TMEM178B: variants seen among roughly 807,000 people sequenced by gnomAD.
TMEM178B encodes transmembrane protein 178B.
In TMEM178B, 5 loss-of-function variants were observed where a neutral mutation model predicts 31.0. The ratio of observed to expected loss-of-function variants is 0.16; its 90% confidence interval spans 0.08 to 0.34. TMEM178B has a LOEUF of 0.34. Ranked by LOEUF, TMEM178B falls within the 10% of genes least tolerant of loss-of-function variation. TMEM178B has a pLI of 1.00. For synonymous variants in TMEM178B, 164 were observed against 164.0 expected (o/e 1.00, Z 0.00); for missense variants, 275 against 400.3 (o/e 0.69, Z 2.67).
intron 1 of TMEM178B, among the ~76,000 whole-genome samples, chr7:141,198,195 A>C (rs1796815631): frequency 1.3e-5 from 2 of 152,146 alleles, no homozygotes; most frequent in Non-Finnish European, 2.9e-5. Flanking sequence ...GTTTGGAAGC[A>C]TCTGTGTGGC....
At chr7:141,227,284 G>A (rs769685460) in intron 2 of TMEM178B, among the ~76,000 whole-genome samples, 2 of 152,176 alleles carry the variant, frequency 1.3e-5, no homozygotes, top group Non-Finnish European at 2.9e-5. Flanking sequence ...CCTAAAATAC[G>A]TCACTCATTT....
chr7:141,493,110 C>T, the TMEM178B span, among the ~76,000 whole-genome samples: 510 of 152,284 alleles, frequency 3.3e-3, 6 homozygotes, highest in African/African-American at 0.011. Flanking sequence ...GCTGAGAACA[C>T]TGGTGGTACA....
chr7:141,375,114 C>T (rs1205221947), intron 2 of TMEM178B, among the ~76,000 whole-genome samples: 1 of 152,230 alleles, frequency 6.6e-6, no homozygotes, highest in Non-Finnish European at 1.5e-5. Context: ...CATCCTCTCA[C>T]TTGATTTACC....
At chr7:141,347,487 A>C (rs1480478287) in intron 2 of TMEM178B, among the ~76,000 whole-genome samples, 7 of 152,126 alleles carry the variant, frequency 4.6e-5, no homozygotes, top group Non-Finnish European at 1.0e-4. Context: ...GTTCAGCTGA[A>C]CATCCTATGA....
At chr7:141,468,317 T>C (rs142883523) in intron 3 of TMEM178B, among the ~76,000 whole-genome samples, 1 of 152,262 alleles carries the variant, frequency 6.6e-6, no homozygotes, top group East Asian at 1.9e-4. Context: ...GTGATCTGCT[T>C]TGAGTCCTCC....
At chr7:141,168,291 A>G (rs908195231) in intron 1 of TMEM178B, among the ~76,000 whole-genome samples, 1 of 152,118 alleles carries the variant, frequency 6.6e-6, no homozygotes, top group Non-Finnish European at 1.5e-5. Context: ...CTTCAATTTA[A>G]TGCAAACTTC....
At chr7:141,224,625 A>G (rs190218592) in intron 2 of TMEM178B, among the ~76,000 whole-genome samples, 1 of 152,326 alleles carries the variant, frequency 6.6e-6, no homozygotes, top group East Asian at 1.9e-4. Flanking sequence ...GCAGCAGGGC[A>G]AAGATCTCAA....
Position 141,315,393 on chromosome 7 carries a change from A to G in TMEM178B, c.496+102689A>G, listed in dbSNP as rs1016587502. On this transcript the variant is annotated intron_variant, in intron 2 of 3. Coordinates refer to ENST00000565468, the MANE Select transcript of TMEM178B (RefSeq NM_001195278.2). ...TCCACACCTCCAGTCAAGTTGAGTG[A>G]CACTGTGTCCCTGGAACACGCCAAG... 9.8e-5 allele frequency among the ~76,000 whole-genome samples: 15 copies of G among 152,320 alleles called. 1 individual carries two copies. Among genetic ancestry groups the G allele is most frequent in the Admixed American group, 7.8e-4 (12 of 15,300 alleles).
At chr7:141,297,984 G>T (rs1376086438) in intron 2 of TMEM178B, among the ~76,000 whole-genome samples, 1 of 152,200 alleles carries the variant, frequency 6.6e-6, no homozygotes, top group Admixed American at 6.5e-5. Context: ...CAGTGTAAAA[G>T]TGTTTCTATT....
chr7:141,505,708 T>C, the TMEM178B span, among the ~76,000 whole-genome samples: 1 of 152,320 alleles, frequency 6.6e-6, no homozygotes, highest in East Asian at 1.9e-4. Flanking sequence ...CTTAACTACT[T>C]GCTAGCTGCT....
At chr7:141,128,215 A>G (rs1795537754) in intron 1 of TMEM178B, among the ~76,000 whole-genome samples, 1 of 152,180 alleles carries the variant, frequency 6.6e-6, no homozygotes, top group African/African-American at 2.4e-5. Flanking sequence ...TCATATCTAG[A>G]ACCTGAATAC....
chr7:141,344,578 T>TCCTTCCTC lies in TMEM178B; in HGVS notation c.497-93023_497-93022insCCCTTCCT, dbSNP rs1554478055. On this transcript the variant is annotated intron_variant, in intron 2 of 3. Transcript: ENST00000565468. The surrounding 1 kb of genome is among the most constrained non-coding windows in gnomAD (Gnocchi z 4.1). ...CTCCCTCCATTCCTCCCTCCTCCCT[T>TCCTTCCTC]CCTTCCTTCCTTCCTTCCTTCCTTC... Among the ~76,000 whole-genome samples the TCCTTCCTC allele has an allele frequency of 4.3e-4, 8 of 18,616 alleles. No homozygotes were observed. Among genetic ancestry groups the TCCTTCCTC allele is most frequent in the African/African-American group, 1.1e-3 (6 of 5,400 alleles). 12.2% of individuals were successfully genotyped at this position (18,616 alleles called of 152,430 possible). A position where few individuals can be genotyped will look rare whatever the true frequency, so the allele number is the denominator to read the frequency against.
chr7:141,277,069 A>G (rs1161833044), intron 2 of TMEM178B, among the ~76,000 whole-genome samples: 1 of 152,226 alleles, frequency 6.6e-6, no homozygotes, highest in East Asian at 1.9e-4. Flanking sequence ...ATTACTATAC[A>G]CTGTTGTAGA....
chr7:141,204,208 G>A (rs930710512), intron 1 of TMEM178B, among the ~76,000 whole-genome samples: 2 of 152,228 alleles, frequency 1.3e-5, no homozygotes, highest in African/African-American at 4.8e-5. Flanking sequence ...AAGAGGGGAA[G>A]CCAGTCAAGA....
At chr7:141,192,624 C>T (rs558499669) in intron 1 of TMEM178B, among the ~76,000 whole-genome samples, 13 of 152,252 alleles carry the variant, frequency 8.5e-5, no homozygotes, top group African/African-American at 2.9e-4. Flanking sequence ...GCCACCACAC[C>T]CGACTAATTT....
intron 2 of TMEM178B, among the ~76,000 whole-genome samples, chr7:141,289,727 A>G (rs988651417): frequency 2.0e-5 from 3 of 151,420 alleles, no homozygotes; most frequent in Non-Finnish European, 4.4e-5. Context: ...AAAAAAAAAA[A>G]AAAAGAAAAA....
intron 2 of TMEM178B, among the ~76,000 whole-genome samples, chr7:141,223,232 G>A (rs959398208): frequency 4.0e-5 from 6 of 151,470 alleles, no homozygotes; most frequent in Non-Finnish European, 5.9e-5. Flanking sequence ...TAAGAGCTGC[G>A]GTTAGGGTGG....
At chr7:141,260,993 A>G (rs1798003668) in intron 2 of TMEM178B, among the ~76,000 whole-genome samples, 1 of 152,232 alleles carries the variant, frequency 6.6e-6, no homozygotes, top group Non-Finnish European at 1.5e-5. Context: ...AGGATTCATT[A>G]AACTTAAAAA....
intron 2 of TMEM178B, among the ~76,000 whole-genome samples, chr7:141,325,674 G>T (rs1204316138): frequency 6.6e-6 from 1 of 152,118 alleles, no homozygotes; most frequent in Non-Finnish European, 1.5e-5. Flanking sequence ...CTTTACACTG[G>T]TCCATGTTCT....
Sources: allele counts gnomAD v4.1 joint callset (sites outside exome capture counted in the v4.1 genomes callset), GRCh38; gene constraint gnomAD v4.1.1; non-coding constraint Gnocchi (gnomAD v3.1); transcripts MANE v1.5; gene names NCBI Gene and HGNC (gene_info 2026-07-23, HGNC 2026-07-21).